The following EPM2A variants were observed in gnomAD, a reference collection of about 807,000 sequenced individuals.
EPM2A encodes the protein EPM2A glucan phosphatase, laforin.
A neutral mutation model predicts 26.5 loss-of-function variants in EPM2A; 21 were observed. The ratio of observed to expected loss-of-function variants is 0.79; its 90% CI spans 0.56 to 1.14. The LOEUF (loss-of-function observed/expected upper bound fraction) is 1.14, where lower values mean the gene tolerates loss of function less well. Among genes scored for constraint, EPM2A ranks in the 50% most tolerant of loss-of-function variants. EPM2A has a pLI of 0.00. For missense variants in EPM2A, 458 were observed against 440.8 expected, an observed-to-expected ratio of 1.04 and a Z score of -0.35; for synonymous variants, 217 against 177.6, an observed-to-expected ratio of 1.22 and a Z score of -1.76.
intron 2 of EPM2A, among the ~76,000 whole-genome samples, chr6:145,560,338 T>C (rs923898788): frequency 6.6e-6 from 1 of 152,154 alleles, no homozygotes; most frequent in Admixed American, 6.6e-5. Context: ...TATAATAAAC[T>C]GGAACTTATT....
At chr6:145,623,378 G>A (rs186005010), downstream of EPM2A, among the ~76,000 whole-genome samples, 1 of 152,320 alleles carries the variant, frequency 6.6e-6, no homozygotes. Context: ...CACTGAAGGA[G>A]GGAGAAGAGT....
intron 4 of EPM2A, among the ~76,000 whole-genome samples, chr6:145,472,865 C>A (rs1562349005): frequency 6.6e-6 from 1 of 152,170 alleles, no homozygotes; most frequent in African/African-American, 2.4e-5. Flanking sequence ...AAAGCAGAAA[C>A]TGCTTAGATC....
intron 2 of EPM2A, among the ~76,000 whole-genome samples, chr6:145,654,576 A>G (rs1778124944): frequency 6.6e-6 from 1 of 152,344 alleles, no homozygotes; most frequent in South Asian, 2.1e-4. Flanking sequence ...CCAGTTGCCT[A>G]CAGAACTTTA....
At chr6:145,607,588 G>A (rs1775289280) in intron 2 of EPM2A, among the ~76,000 whole-genome samples, 1 of 152,180 alleles carries the variant, frequency 6.6e-6, no homozygotes, top group Admixed American at 6.5e-5. Flanking sequence ...AAGTCAAGGA[G>A]TCTGGGAAAA....
intron 2 of EPM2A, among the ~76,000 whole-genome samples, chr6:145,551,760 A>G (rs573560495): frequency 1.3e-5 from 2 of 152,206 alleles, no homozygotes; most frequent in South Asian, 4.1e-4. Flanking sequence ...TAAATCATTA[A>G]CAGCACAAAA....
At chr6:145,541,699 C>T (rs1198942973) in intron 2 of EPM2A, among the ~76,000 whole-genome samples, 3 of 152,002 alleles carry the variant, frequency 2.0e-5, no homozygotes, top group Admixed American at 2.0e-4. Flanking sequence ...GAAGAATATA[C>T]TTGCAATGAT....
At chr6:145,410,291 C>T (rs1778626851) in intron 4 of EPM2A, among the ~76,000 whole-genome samples, 1 of 151,980 alleles carries the variant, frequency 6.6e-6, no homozygotes, top group African/African-American at 2.4e-5. Flanking sequence ...CATGAGTTTT[C>T]CTGGAAAATG....
intron 4 of EPM2A, among the ~76,000 whole-genome samples, chr6:145,481,635 G>A (rs1329529558): frequency 6.6e-6 from 1 of 152,074 alleles, no homozygotes; most frequent in East Asian, 1.9e-4. Flanking sequence ...AATCTCAGGA[G>A]AGACCCTGAC....
At chr6:145,488,167 A>T (rs1779701503) in intron 4 of EPM2A, among the ~76,000 whole-genome samples, 2 of 151,844 alleles carry the variant, frequency 1.3e-5, no homozygotes, top group African/African-American at 4.8e-5. Flanking sequence ...ATTCTGTTCC[A>T]TTGGTCTAGG....
intron 4 of EPM2A, among the ~76,000 whole-genome samples, chr6:145,456,196 T>C (rs571502171): frequency 1.3e-5 from 2 of 152,306 alleles, no homozygotes; most frequent in Non-Finnish European, 2.9e-5. Context: ...ACTGCTATGA[T>C]AGTAATGACC....
chr6:145,657,139 G>C (rs1261734785), intron 2 of EPM2A, among the ~76,000 whole-genome samples: 1 of 147,896 alleles, frequency 6.8e-6, no homozygotes, highest in East Asian at 2.0e-4. Flanking sequence ...ACCCAGGCTG[G>C]AGTGCAGTGG....
chr6:145,647,529 T>C (rs1777566854), intron 2 of EPM2A, among the ~76,000 whole-genome samples: 1 of 152,212 alleles, frequency 6.6e-6, no homozygotes, highest in Admixed American at 6.5e-5. Flanking sequence ...TGGCCTCTCT[T>C]GCTCTGAATT....
chr6:145,453,269 T>G (rs1290074227), intron 4 of EPM2A, among the ~76,000 whole-genome samples: 1 of 152,176 alleles, frequency 6.6e-6, no homozygotes, highest in Non-Finnish European at 1.5e-5. Flanking sequence ...TATTAAAAAA[T>G]AGTACATGAG....
At chr6:145,426,513 A>G (rs2114688274) in intron 4 of EPM2A, among the ~76,000 whole-genome samples, 1 of 152,356 alleles carries the variant, frequency 6.6e-6, no homozygotes, top group East Asian at 1.9e-4. Context: ...ATGGGATACT[A>G]AAGGGTTGAA....
At chr6:145,497,771 C>T (rs1779839911), downstream of EPM2A, among the ~76,000 whole-genome samples, 1 of 152,228 alleles carries the variant, frequency 6.6e-6, no homozygotes, top group Non-Finnish European at 1.5e-5. Flanking sequence ...GAAGTCCTGC[C>T]CAGTGAGGGG....
At chr6:145,698,728 A>G (rs1781755315) in intron 1 of EPM2A, among the ~76,000 whole-genome samples, 1 of 152,122 alleles carries the variant, frequency 6.6e-6, no homozygotes, top group African/African-American at 2.4e-5. Flanking sequence ...CCCAAAATTT[A>G]TATAATGAAG....
At chr6:145,452,809 A>G (rs528247948) in intron 4 of EPM2A, among the ~76,000 whole-genome samples, 1 of 152,298 alleles carries the variant, frequency 6.6e-6, no homozygotes, top group South Asian at 2.1e-4. Flanking sequence ...TCTAGGAGTA[A>G]AATACACTTA....
intron 4 of EPM2A, among the ~76,000 whole-genome samples, chr6:145,391,335 A>G (rs1778334398): frequency 6.6e-6 from 1 of 152,018 alleles, no homozygotes; most frequent in African/African-American, 2.4e-5. Context: ...CTTCCTGATA[A>G]GAGACCACCG....
chr6:145,459,462 T>A (rs778317952), intron 4 of EPM2A, among the ~76,000 whole-genome samples: 6 of 152,180 alleles, frequency 3.9e-5, no homozygotes, highest in Non-Finnish European at 7.3e-5. Context: ...TATTTATTCA[T>A]CCAAATTGTT....
Sources: gnomAD v4.1 joint callset for allele counts (sites outside exome capture counted in the v4.1 genomes callset) on GRCh38, gnomAD v4.1.1 for gene constraint, MANE v1.5 for transcripts, NCBI Gene and HGNC (gene_info 2026-07-23, HGNC 2026-07-21) for gene names.